Variants in GABPB1 observed in about 807,000 individuals in gnomAD.
The protein encoded by GABPB1 is GA-binding protein subunit beta-1.
In GABPB1, 15 loss-of-function variants were observed where a neutral mutation model predicts 45.9. That is an observed-to-expected ratio of 0.33 (90% CI 0.22 to 0.50). GABPB1 has a LOEUF of 0.50. Ranked by LOEUF, GABPB1 falls within the 20% of genes least tolerant of loss-of-function variation. The pLI is 0.98. For synonymous variants in GABPB1, 143 were observed against 154.4 expected (o/e 0.93, Z 0.55); for missense variants, 252 against 457.5 (o/e 0.55, Z 4.10).
chr15:50,288,850 G>C (rs2046251516), intron 7 of GABPB1, among the ~76,000 whole-genome samples: 5 of 151,308 alleles, frequency 3.3e-5, no homozygotes. Flanking sequence ...TTCTGAGAAA[G>C]AGTTTCTCTC....
intron 1 of GABPB1, among the ~76,000 whole-genome samples, chr15:50,331,393 T>C (rs1433812175): frequency 6.6e-6 from 1 of 152,210 alleles, no homozygotes; most frequent in Non-Finnish European, 1.5e-5. Flanking sequence ...TTCTGTTAAA[T>C]TAACCAGAGA....
At chr15:50,297,643 T>C (rs2046569268) in intron 6 of GABPB1, among the ~76,000 whole-genome samples, 1 of 152,214 alleles carries the variant, frequency 6.6e-6, no homozygotes, top group South Asian at 2.1e-4. Flanking sequence ...GAGGCCAGCC[T>C]GGCCAACATG....
intron 6 of GABPB1, among the ~76,000 whole-genome samples, chr15:50,300,527 T>C (rs1223830044): frequency 1.4e-5 from 2 of 143,134 alleles, no homozygotes; most frequent in African/African-American, 5.2e-5. Flanking sequence ...ACTGCAGCCT[T>C]CACCTCCCGG....
intron 6 of GABPB1, among the ~76,000 whole-genome samples, chr15:50,298,366 A>G (rs1183024408): frequency 6.6e-6 from 1 of 152,232 alleles, no homozygotes; most frequent in African/African-American, 2.4e-5. Context: ...AATTATAGGC[A>G]TGAGCCACCA....
At chr15:50,343,886 T>C (rs2048471591) in intron 1 of GABPB1, among the ~76,000 whole-genome samples, 1 of 152,230 alleles carries the variant, frequency 6.6e-6, no homozygotes, top group African/African-American at 2.4e-5. Flanking sequence ...ATAATTACCA[T>C]GTAAGATATA....
chr15:50,307,257 T>C lies in GABPB1; in HGVS notation c.108+2434A>G, dbSNP rs540147721. On this transcript the variant is annotated intron_variant, in intron 2 of 8. Transcript: ENST00000380877. Reference sequence around the variant, plus strand: ...CAACTGTTTTTGCTAATCTGGTGGATATATAATAGTATTTCATGATTTTAC... The same window carrying C: ...CAACTGTTTTTGCTAATCTGGTGGACATATAATAGTATTTCATGATTTTAC... Among the ~76,000 whole-genome samples, 6 of 152,334 alleles carry C rather than the reference T, an allele frequency of 3.9e-5. No individual in the cohort carries two copies. In the South Asian group the frequency reaches 8.3e-4, roughly 21 times the overall value.
intron 1 of GABPB1, among the ~76,000 whole-genome samples, chr15:50,321,082 C>A (rs1482264437): frequency 6.6e-6 from 1 of 152,104 alleles, no homozygotes; most frequent in East Asian, 1.9e-4. Context: ...GAATAGGAAA[C>A]AAATACACAC....
chr15:50,341,816 T>G (rs980040847), intron 1 of GABPB1, among the ~76,000 whole-genome samples: 1 of 152,170 alleles, frequency 6.6e-6, no homozygotes, highest in African/African-American at 2.4e-5. Flanking sequence ...TGTTTTGGAA[T>G]TATTGAGAGA....
chr15:50,283,019 C>CA (rs2046036761), intron 8 of GABPB1, among the ~76,000 whole-genome samples: 1 of 152,168 alleles, frequency 6.6e-6, no homozygotes, highest in Admixed American at 6.5e-5. Flanking sequence ...CGCAGCACTG[C>CA]ATTCCAGCCT....
chr15:50,310,086 A>G (rs758114578), intron 1 of GABPB1, among the ~76,000 whole-genome samples: 3 of 152,090 alleles, frequency 2.0e-5, no homozygotes, highest in Non-Finnish European at 4.4e-5. Flanking sequence ...GCTGGCCTAA[A>G]TTTTTATTTA....
Position 50,297,204 on chromosome 15 carries a change from C to G in GABPB1, c.697+3585G>C, listed in dbSNP as rs565667921. Among the ~76,000 whole-genome samples, 259 of 137,168 alleles carry G rather than the reference C, an allele frequency of 1.9e-3. 2 individuals are homozygous for G. The highest frequency in any genetic ancestry group is 0.018 in the Admixed American group (235 of 12,804). The allele number at this position is 137,168 out of a possible 152,430, so 90.0% of individuals were successfully genotyped here. A position where few individuals can be genotyped will look rare whatever the true frequency, so the allele number is the denominator to read the frequency against. On this transcript the variant is annotated intron_variant, in intron 6 of 8. Coordinates refer to ENST00000380877, the MANE Select transcript of GABPB1 (RefSeq NM_016654.5). Reference sequence around the variant, plus strand: ...GGGATTACAGGTGTGAGCCACTGAGCCCACCCATTACTTCTTTTTTTTTTT... The same window carrying G: ...GGGATTACAGGTGTGAGCCACTGAGGCCACCCATTACTTCTTTTTTTTTTT...
chr15:50,317,855 G>A (rs549899088), intron 1 of GABPB1, among the ~76,000 whole-genome samples: 1 of 150,680 alleles, frequency 6.6e-6, no homozygotes. Context: ...CTTGCAGTGA[G>A]CCGAGATCGC....
chr15:50,350,214 T>C (rs1221064352), intron 1 of GABPB1: 1 of 151,736 alleles, frequency 6.6e-6, no homozygotes, highest in Non-Finnish European at 1.5e-5. Flanking sequence ...CCCTAACACT[T>C]AACTAACTCA....
chr15:50,281,386 T>A (rs558588645), intron 8 of GABPB1, among the ~76,000 whole-genome samples: 1 of 152,126 alleles, frequency 6.6e-6, no homozygotes, highest in South Asian at 2.1e-4. Flanking sequence ...TAATTTTTTG[T>A]ATTTTTAGTA....
At chr15:50,324,036 T>C (rs1215319600) in intron 1 of GABPB1, among the ~76,000 whole-genome samples, 1 of 152,020 alleles carries the variant, frequency 6.6e-6, no homozygotes, top group Non-Finnish European at 1.5e-5. Flanking sequence ...ACTCTATCTC[T>C]ACAAAAAATA....
chr15:50,337,082 T>C (rs866619066), intron 1 of GABPB1, among the ~76,000 whole-genome samples: 2 of 1,876 alleles, frequency 1.1e-3, no homozygotes, highest in South Asian at 0.021. Flanking sequence ...TGTGTATATA[T>C]ATATATATAT....
At chr15:50,354,856 C>A (rs1024509857) in intron 1 of GABPB1, 129 bp downstream of exon 1, 1 of 228,522 alleles carries the variant, frequency 4.4e-6, no homozygotes, top group Admixed American at 6.4e-5. Context: ...AAACCCGGCG[C>A]CTTAATGCAA....
In GABPB1 at chr15:50,304,264, T is replaced by G. The variant is rs186256476; in HGVS notation, c.109-131A>C. On this transcript the variant is annotated intron_variant, in intron 2 of 8. Transcript: ENST00000380877. ...CAAAACTCAAAAGAAATGCCTAGAT[T>G]CATGCTTATCACATCCTCTTCATAG... 7.2e-6 allele frequency: 4 copies of G among 557,898 alleles called. No individual in the cohort carries two copies. The African/African-American group carries it at 7.8e-5, about 11-fold the overall frequency. 34.6% of individuals were successfully genotyped at this position (557,898 alleles called of 1,614,324 possible). A position where few individuals can be genotyped will look rare whatever the true frequency, so the allele number is the denominator to read the frequency against.
At position 50,303,020 on chromosome 15, in the gene GABPB1, C is replaced by T; in HGVS notation, c.380G>A (p.Gly127Asp). 6.2e-7 allele frequency: 1 copy of T among 1,613,762 alleles called. No homozygotes were observed. Among genetic ancestry groups the T allele is most frequent in the Non-Finnish European group, 8.5e-7 (1 of 1,179,754 alleles). ...QEVVELLIKY[G>D]ADVHTQSKFC... ...TTTACTTTGCGTGTGTACATCAGCA[C>T]CATATTTGATTAAAAGTTCCACCAC... Residue 127 changes from glycine (G) to aspartate (D), a missense_variant, in exon 4 of 9, where the codon GGT (glycine) becomes GAT (aspartate). Physicochemically the swap from Gly to Asp is moderately conservative, Grantham distance 94. Coordinates refer to ENST00000380877, the MANE Select transcript of GABPB1 (RefSeq NM_016654.5).
Sources: gnomAD v4.1 joint callset for allele counts (sites outside exome capture counted in the v4.1 genomes callset) on GRCh38, gnomAD v4.1.1 for gene constraint, MANE v1.5 for transcripts, NCBI Gene and HGNC (gene_info 2026-07-23, HGNC 2026-07-21) for gene names.